The following ESR1 variants were observed in gnomAD, a reference collection of about 807,000 sequenced individuals.
ESR1 encodes the protein estrogen receptor.
Under a neutral mutation model 52.7 loss-of-function variants are expected in ESR1, and 12 were observed. The ratio of observed to expected loss-of-function variants is 0.23; its 90% CI spans 0.15 to 0.37. The LOEUF (loss-of-function observed/expected upper bound fraction) is 0.37. ESR1 is among the 10% of genes least tolerant of loss of function. The pLI is 1.00. For synonymous variants in ESR1, 305 were observed against 316.8 expected (o/e 0.96, Z 0.39); for missense variants, 584 against 779.7 (o/e 0.75, Z 2.99).
At chr6:151,901,980 G>A (rs1187728466) in intron 3 of ESR1, among the ~76,000 whole-genome samples, 3 of 152,132 alleles carry the variant, frequency 2.0e-5, no homozygotes, top group African/African-American at 4.8e-5. Flanking sequence ...TGGCCTTGAC[G>A]TATTACATTT....
At chr6:152,062,905 T>A (rs1051933192) in intron 6 of ESR1, among the ~76,000 whole-genome samples, 1 of 152,234 alleles carries the variant, frequency 6.6e-6, no homozygotes, top group African/African-American at 2.4e-5. Flanking sequence ...AGACTTTTCC[T>A]GCATTATTGT....
chr6:151,958,646 T>C (rs902521214), intron 4 of ESR1, among the ~76,000 whole-genome samples: 1 of 152,242 alleles, frequency 6.6e-6, no homozygotes, highest in Non-Finnish European at 1.5e-5. Context: ...GAGATTGTAC[T>C]GTGTACATGT....
intron 2 of ESR1, among the ~76,000 whole-genome samples, chr6:151,744,537 T>A (rs1562372737): frequency 6.6e-6 from 1 of 152,234 alleles, no homozygotes; most frequent in African/African-American, 2.4e-5. Flanking sequence ...GTATGTTCAA[T>A]TTTTTTCCAT....
At chr6:152,123,042 G>A (rs1056198258) in intron 6 of ESR1, among the ~76,000 whole-genome samples, 4 of 152,220 alleles carry the variant, frequency 2.6e-5, no homozygotes, top group Non-Finnish European at 2.9e-5. Context: ...GATATTTGAT[G>A]CAGCATATTT....
intron 3 of ESR1, among the ~76,000 whole-genome samples, chr6:151,924,789 T>C (rs1296786811): frequency 1.3e-5 from 2 of 152,236 alleles, no homozygotes; most frequent in East Asian, 1.9e-4. Flanking sequence ...TCTTTCTTTT[T>C]ATTTTAATGG....
intron 2 of ESR1, among the ~76,000 whole-genome samples, chr6:151,793,554 C>G (rs909650930): frequency 1.3e-5 from 2 of 152,208 alleles, no homozygotes; most frequent in Non-Finnish European, 2.9e-5. Flanking sequence ...TTTTATACAA[C>G]TGGTGGCACA....
intron 3 of ESR1, among the ~76,000 whole-genome samples, chr6:151,898,562 G>A (rs1795929306): frequency 1.3e-5 from 2 of 151,996 alleles, no homozygotes; most frequent in Admixed American, 1.3e-4. Context: ...TGCAGTTTTT[G>A]TGTCCCTGGG....
exon 7 of ESR1, chr6:152,127,532 C>G (rs1444013522): frequency 6.6e-6 from 1 of 152,174 alleles, no homozygotes; most frequent in Non-Finnish European, 1.5e-5. Flanking sequence ...CTCGGGAAAA[C>G]ATACCTGATT....
Position 152,103,198 on chromosome 6 carries a change from G to T in ESR1, c.*4232G>T. 1 of 193,900 alleles carries T rather than the reference G, an allele frequency of 5.2e-6. No homozygotes were observed. The highest frequency in any genetic ancestry group is 1.1e-5 in the Non-Finnish European group (1 of 92,656). The allele number at this position is 193,900 out of a possible 1,614,324, so 12.0% of individuals were successfully genotyped here. On this transcript the variant is annotated 3_prime_UTR_variant, in exon 8 of 8. Transcript: ENST00000206249. ...TAAACCTCTTTTGCACTTTGAAAAA[G>T]AATCCAGCGGGATGCTCGAGCACCT...
At chr6:152,041,132 G>A (rs909960998) in intron 5 of ESR1, among the ~76,000 whole-genome samples, 3 of 152,164 alleles carry the variant, frequency 2.0e-5, no homozygotes, top group African/African-American at 4.8e-5. Context: ...TTATCTGCAG[G>A]AGATGCAGGG....
chr6:151,662,162 ACT>A lies in ESR1; in HGVS notation n.73+5402_73+5403del, dbSNP rs1428927670. Among the ~76,000 whole-genome samples, 5 of 151,854 alleles carry A rather than the reference ACT, an allele frequency of 3.3e-5. No homozygotes were observed. The South Asian group carries it at 8.3e-4, about 25-fold the overall frequency. On this transcript the variant is annotated intron_variant and non_coding_transcript_variant, in intron 1 of 2. Coordinates refer to the ESR1 transcript ENST00000473497. ...GGCGCTCGAGAGACTCACCTTAGTGACTCTATCAACTGGTGAAAATATTTAGA... is the reference window on the plus strand; with the variant it reads ...GGCGCTCGAGAGACTCACCTTAGTGACTATCAACTGGTGAAAATATTTAGA...
chr6:151,711,078 G>A lies in ESR1; in HGVS notation c.-71+9073G>A, dbSNP rs188090396. Among the ~76,000 whole-genome samples, 465 of 152,298 alleles carry A rather than the reference G, an allele frequency of 3.1e-3. 4 individuals are homozygous for A. The highest frequency in any genetic ancestry group is 0.011 in the African/African-American group (440 of 41,566). On this transcript the variant is annotated intron_variant, in intron 2 of 2. Transcript: ENST00000404742. The stretch of plus-strand genomic sequence containing the variant: ...TGGGTATATACCCAGTAATGGGATT[G>A]CTGGGTCAAACGGTATTTCTAGTTC...
chr6:151,858,685 C>G (rs1788335458), intron 2 of ESR1, among the ~76,000 whole-genome samples: 1 of 148,400 alleles, frequency 6.7e-6, no homozygotes, highest in Non-Finnish European at 1.5e-5. Context: ...TAATTAGAAA[C>G]AAGACAACAA....
At chr6:152,010,515 G>A (rs1164879742) in intron 4 of ESR1, among the ~76,000 whole-genome samples, 1 of 152,040 alleles carries the variant, frequency 6.6e-6, no homozygotes, top group African/African-American at 2.4e-5. Context: ...ATATCTTAGG[G>A]CAAAAGAATA....
chr6:151,978,784 G>C (rs941097461), intron 4 of ESR1, among the ~76,000 whole-genome samples: 2 of 152,214 alleles, frequency 1.3e-5, no homozygotes, highest in East Asian at 1.9e-4. Context: ...CAAAAAAAGA[G>C]GGTAGTATAA....
In ESR1 at chr6:151,860,258, T is replaced by C. The variant is rs975991600; in HGVS notation, c.643+17471T>C. On this transcript the variant is annotated intron_variant, in intron 2 of 7. Transcript: ENST00000206249. ...CAATCTCCTCACCTAGTTATCATTT[T>C]TGGGGGGCATGGAGTGAGAGCACCT... Among the ~76,000 whole-genome samples, 4 of 152,168 alleles carry C rather than the reference T, an allele frequency of 2.6e-5. No homozygotes were observed. In the South Asian group the frequency reaches 8.3e-4, roughly 32 times the overall value.
chr6:151,779,475 G>A (rs1271906850), intron 2 of ESR1, among the ~76,000 whole-genome samples: 2 of 152,122 alleles, frequency 1.3e-5, no homozygotes, highest in Non-Finnish European at 2.9e-5. Flanking sequence ...ACCACAATGA[G>A]ATACTATCTC....
intron 2 of ESR1, among the ~76,000 whole-genome samples, chr6:151,871,180 CAATTCATCCATGA>C (rs1790884839): frequency 6.6e-6 from 1 of 151,804 alleles, no homozygotes; most frequent in Admixed American, 6.6e-5. Context: ...GTAAACTATA[CAATTCATCCATGA>C]AAGCAGAAAC....
chr6:151,731,275 G>A (rs1181222836), intron 2 of ESR1, among the ~76,000 whole-genome samples: 1 of 151,948 alleles, frequency 6.6e-6, no homozygotes, highest in Non-Finnish European at 1.5e-5. Context: ...AGAATCGCTT[G>A]AACTCCGGAG....
Sources: gnomAD v4.1 joint callset for allele counts (sites outside exome capture counted in the v4.1 genomes callset) on GRCh38, gnomAD v4.1.1 for gene constraint, MANE v1.5 for transcripts, NCBI Gene and HGNC (gene_info 2026-07-23, HGNC 2026-07-21) for gene names.